Variants in ARHGEF10L observed in about 807,000 individuals in gnomAD.
The protein encoded by ARHGEF10L is Rho guanine nucleotide exchange factor 10 like.
Under a neutral mutation model 141.2 loss-of-function variants are expected in ARHGEF10L, and 69 were observed. The ratio of observed to expected loss-of-function variants is 0.49; its 90% confidence interval spans 0.40 to 0.60. The LOEUF is 0.60. Among genes scored for constraint, ARHGEF10L ranks in the 20% least tolerant of loss-of-function variants. ARHGEF10L has a pLI of 0.00. For missense variants in ARHGEF10L, 1,482 were observed against 1,734.3 expected (o/e 0.85, Z 2.58); for synonymous variants, 711 against 718.5 (o/e 0.99, Z 0.17).
At chr1:17,688,513 G>C (rs1379458521) in intron 27 of ARHGEF10L, among the ~76,000 whole-genome samples, 1 of 152,250 alleles carries the variant, frequency 6.6e-6, no homozygotes, top group Non-Finnish European at 1.5e-5. Flanking sequence ...CCCCCAGAGA[G>C]ACTGACCTGC....
intron 4 of ARHGEF10L, among the ~76,000 whole-genome samples, chr1:17,598,362 G>A (rs72648439): frequency 0.048 from 7,316 of 152,152 alleles, 307 homozygotes; most frequent in Non-Finnish European, 0.068. Flanking sequence ...TTAACCTTCC[G>A]AAGTTCAGGG....
chr1:17,658,072 G>A (rs1313071566), intron 25 of ARHGEF10L, among the ~76,000 whole-genome samples: 1 of 152,254 alleles, frequency 6.6e-6, no homozygotes, highest in East Asian at 1.9e-4. Flanking sequence ...ACTCCCAGCT[G>A]CTTCAGGTGT....
intron 9 of ARHGEF10L, among the ~76,000 whole-genome samples, chr1:17,617,555 A>G (rs189371304): frequency 6.6e-6 from 1 of 152,350 alleles, no homozygotes; most frequent in African/African-American, 2.4e-5. Flanking sequence ...CAGTGGGCTC[A>G]CAGCTGATGG....
chr1:17,640,334 G>A lies in ARHGEF10L; in HGVS notation c.2272+32G>A, dbSNP rs759923607. The A allele has an allele frequency of 2.5e-6, 4 of 1,572,996 alleles. No homozygotes were observed. In the East Asian group the frequency reaches 9.1e-5, roughly 36 times the overall value. On this transcript the variant is annotated intron_variant, in intron 21 of 28. Coordinates refer to ENST00000361221, the MANE Select transcript of ARHGEF10L (RefSeq NM_018125.4). ...ATAGCCCCAGGGAGAGTGCCTCAGG[G>A]GGCAGGGGTGTGGAACGGGGAGGTT...
rs754208938 is a variant in ARHGEF10L, at chr1:17,638,571, A to G, written c.2053A>G (p.Met685Val). Residue 685 changes from methionine (M) to valine (V), a missense_variant, in exon 20 of 29, where the codon ATG becomes GTG. Met to Val is a conservative substitution (Grantham distance 21). Coordinates refer to ENST00000361221, the MANE Select transcript of ARHGEF10L (RefSeq NM_018125.4). Reference protein sequence around the residue: ...TLHGTYQNLNMTVAQDWCLAL... With the variant: ...TLHGTYQNLNVTVAQDWCLAL... ...GCCTCCTGAACCCTAGAACCTGAAC[A>G]TGACTGTGGCTCAAGACTGGTGCCT... 3.1e-6 allele frequency: 5 copies of G among 1,614,158 alleles called. No homozygotes were observed. Among genetic ancestry groups the G allele is most frequent in the South Asian group, 1.1e-5 (1 of 91,082 alleles).
intron 22 of ARHGEF10L, among the ~76,000 whole-genome samples, chr1:17,649,449 T>C (rs1271947504): frequency 6.6e-6 from 1 of 152,192 alleles, no homozygotes; most frequent in African/African-American, 2.4e-5. Context: ...CAGGCCCAGA[T>C]TGGTGAGCCC....
chr1:17,635,320 C>T (rs1172290321), intron 18 of ARHGEF10L, among the ~76,000 whole-genome samples: 2 of 152,220 alleles, frequency 1.3e-5, no homozygotes, highest in Non-Finnish European at 2.9e-5. Context: ...CCTCCTCCTA[C>T]CTGGGCCCCC....
At chr1:17,609,505 T>C (rs980658973) in intron 7 of ARHGEF10L, among the ~76,000 whole-genome samples, 19 of 152,212 alleles carry the variant, frequency 1.2e-4, no homozygotes, top group African/African-American at 4.6e-4. Flanking sequence ...TCAGTGAACC[T>C]TTACGGTCCA....
rs570359859 is a variant in ARHGEF10L, at chr1:17,573,958, C to G, written c.-43-6595C>G. Among the ~76,000 whole-genome samples, 13 of 152,162 alleles carry G rather than the reference C, an allele frequency of 8.5e-5. No individual in the cohort carries two copies. Among genetic ancestry groups the G allele is most frequent in the African/African-American group, 1.9e-4 (8 of 41,446 alleles). On this transcript the variant is annotated intron_variant, in intron 1 of 28. Coordinates refer to ENST00000361221, the MANE Select transcript of ARHGEF10L (RefSeq NM_018125.4). The surrounding 1 kb of genome is among the most constrained non-coding windows in gnomAD (Gnocchi z 4.8). ...CCCCCTTCTCAGAGCTCCCCTCCCC[C>G]TCCCTGGTGAAGAGGAAAGGAAGTT...
At position 17,654,082 on chromosome 1, in the gene ARHGEF10L, TG is replaced by T; in HGVS notation, c.2395-552del. Among the ~76,000 whole-genome samples the T allele has an allele frequency of 6.6e-6, 1 of 152,322 alleles. No individual in the cohort carries two copies. The highest frequency in any genetic ancestry group is 6.5e-5 in the Admixed American group (1 of 15,306). ...AGGCCATTTCCTAGAATTGCTGTCC[TG>T]GCCAGAGAGAGGGACTGACCAGGTC... On this transcript the variant is annotated intron_variant, in intron 22 of 28. Transcript: ENST00000361221. The surrounding 1 kb of genome is among the most constrained non-coding windows in gnomAD (Gnocchi z 4.3).
chr1:17,691,472 A>G (rs1357352157), intron 27 of ARHGEF10L, among the ~76,000 whole-genome samples: 2 of 152,082 alleles, frequency 1.3e-5, no homozygotes, highest in African/African-American at 2.4e-5. Flanking sequence ...GCCGGTCTCC[A>G]TGCCCTGGGG....
chr1:17,681,033 A>AAAGTGCTGGG (rs1221224310), intron 26 of ARHGEF10L, among the ~76,000 whole-genome samples: 2 of 152,110 alleles, frequency 1.3e-5, no homozygotes, highest in African/African-American at 4.8e-5. Flanking sequence ...TTAGCCTCCC[A>AAAGTGCTGGG]AAGTGCTGGG....
In ARHGEF10L at chr1:17,623,040, C is replaced by G. The variant is rs765475099; in HGVS notation, c.1065C>G (p.Ser355Arg). 6.2e-7 allele frequency: 1 copy of G among 1,614,036 alleles called. No homozygotes were observed. Reference sequence around the variant, plus strand: ...TGGAGATGGAGCCCAAGGCGCTGAGCGCCCGCAAGTGCCAGGTGGTGTTCT... The same window carrying G: ...TGGAGATGGAGCCCAAGGCGCTGAGGGCCCGCAAGTGCCAGGTGGTGTTCT... The part of the protein sequence containing the change: ...PLMEMEPKAL[S>R]ARKCQVVFFR... The change falls in exon 12 of 29, where the codon AGC (serine) becomes AGG (arginine). Residue 355 changes from serine (S) to arginine (R), a missense_variant. Physicochemically the swap from Ser to Arg is moderately radical, Grantham distance 110. Transcript: ENST00000361221. The surrounding 1 kb of genome is among the most constrained non-coding windows in gnomAD (Gnocchi z 4.7).
rs766245755 is a variant in ARHGEF10L, at chr1:17,637,967, C to T, written c.2007C>T (p.Ile669=). Residue 669 remains isoleucine, a synonymous_variant, in exon 19 of 29, where the codon ATC becomes ATT. Coordinates refer to ENST00000361221, the MANE Select transcript of ARHGEF10L (RefSeq NM_018125.4). ...AGGACCTGGCCGTGGTGGAGCAGAT[C>T]ACGCTTCTCATCAGCACGCTGCACG... ...LQKDLAVVEQ[I]TLLISTLHGT... 6.3e-7 allele frequency: 1 copy of T among 1,599,168 alleles called. No homozygotes were observed. Among genetic ancestry groups the T allele is most frequent in the Non-Finnish European group, 8.5e-7 (1 of 1,172,880 alleles).
chr1:17,665,567 G>A (rs1223615678), intron 26 of ARHGEF10L, among the ~76,000 whole-genome samples: 2 of 152,132 alleles, frequency 1.3e-5, no homozygotes, highest in Non-Finnish European at 2.9e-5. Context: ...CGTTGGAGCC[G>A]GACCTACCAG....
At chr1:17,635,303 C>T (rs989568422) in intron 18 of ARHGEF10L, among the ~76,000 whole-genome samples, 1 of 152,182 alleles carries the variant, frequency 6.6e-6, no homozygotes, top group Admixed American at 6.5e-5. Flanking sequence ...CCTGGCTGCT[C>T]TTCCTCCCTC....
chr1:17,596,130 C>T (rs957974062), intron 4 of ARHGEF10L, among the ~76,000 whole-genome samples: 1 of 152,238 alleles, frequency 6.6e-6, no homozygotes, highest in Non-Finnish European at 1.5e-5. Context: ...GACCAACAGT[C>T]AGAGTCTCTG....
intron 4 of ARHGEF10L, among the ~76,000 whole-genome samples, chr1:17,596,465 G>A (rs1202750720): frequency 2.6e-5 from 4 of 152,238 alleles, no homozygotes; most frequent in African/African-American, 9.6e-5. Flanking sequence ...TAAGGCAAAT[G>A]TCATTCCAGT....
intron 15 of ARHGEF10L, among the ~76,000 whole-genome samples, chr1:17,629,232 G>A (rs2060547322): frequency 6.7e-6 from 1 of 148,726 alleles, no homozygotes; most frequent in African/African-American, 2.5e-5. Flanking sequence ...TCACTATGAT[G>A]CCCAGGCTGG....
Sources: gnomAD v4.1 joint callset for allele counts (sites outside exome capture counted in the v4.1 genomes callset) on GRCh38, gnomAD v4.1.1 for gene constraint, Gnocchi (gnomAD v3.1) non-coding constraint, MANE v1.5 for transcripts, NCBI Gene and HGNC (gene_info 2026-07-23, HGNC 2026-07-21) for gene names.